SMIM13: variants seen among roughly 807,000 people sequenced by gnomAD.
SMIM13 encodes UPF0766 protein C6orf228.
A neutral mutation model predicts 5.9 loss-of-function variants in SMIM13; 3 were observed. The observed-to-expected ratio is 0.51, with a 90% CI of 0.23 to 1.31. The LOEUF (loss-of-function observed/expected upper bound fraction) is 1.31, where lower values mean the gene tolerates loss of function less well. SMIM13 is among the 40% of genes most tolerant of loss of function. The probability of loss-of-function intolerance (pLI) is 0.18; values close to 1 mark genes in which losing one functional copy is unlikely to be tolerated. For synonymous variants in SMIM13, 55 were observed against 46.0 expected, an observed-to-expected ratio of 1.19 and a Z score of -0.79; for missense variants, 85 against 109.9, an observed-to-expected ratio of 0.77 and a Z score of 1.01.
At chr6:11,099,481 A>G (rs1407623321) in intron 1 of SMIM13, among the ~76,000 whole-genome samples, 3 of 152,146 alleles carry the variant, frequency 2.0e-5, no homozygotes, top group Admixed American at 1.3e-4. Context: ...CCCATACTAC[A>G]TGTTTTACTT....
chr6:11,135,119 C>G lies in SMIM13; in HGVS notation c.*517C>G, dbSNP rs1758502400. 6.6e-6 allele frequency: 1 copy of G among 152,478 alleles called. No homozygotes were observed. The highest frequency in any genetic ancestry group is 1.5e-5 in the Non-Finnish European group (1 of 68,048). The allele number at this position is 152,478 out of a possible 1,614,324, so 9.4% of individuals were successfully genotyped here. A position where few individuals can be genotyped will look rare whatever the true frequency, so the allele number is the denominator to read the frequency against. ...TTTAATTGACATTTTAAAATGTCTT[C>G]AAAAAGATCACACTATGATTCAGCA... On this transcript the variant is annotated 3_prime_UTR_variant, in exon 2 of 2. Transcript: ENST00000416247.
intron 1 of SMIM13, among the ~76,000 whole-genome samples, chr6:11,118,572 C>G (rs1581917807): frequency 1.3e-5 from 2 of 152,224 alleles, no homozygotes; most frequent in East Asian, 3.9e-4. Flanking sequence ...GGAAGGTGGT[C>G]AGTACTATGC....
Position 11,137,134 on chromosome 6 carries a change from C to T in SMIM13, c.*2532C>T, listed in dbSNP as rs1426173296. 2.6e-5 allele frequency: 4 copies of T among 151,986 alleles called. No homozygotes were observed. The highest frequency in any genetic ancestry group is 5.9e-5 in the Non-Finnish European group (4 of 67,954). The allele number at this position is 151,986 out of a possible 1,614,324, so 9.4% of individuals were successfully genotyped here. On this transcript the variant is annotated 3_prime_UTR_variant, in exon 2 of 2. Coordinates refer to ENST00000416247, the MANE Select transcript of SMIM13 (RefSeq NM_001135575.2). ...ATTGACATTTATGCTTCAAGCATGTCTTATTTTATGTAATTTTAAGAAATA... is the reference window on the plus strand; with the variant it reads ...ATTGACATTTATGCTTCAAGCATGTTTTATTTTATGTAATTTTAAGAAATA...
chr6:11,121,863 C>A (rs542653279), intron 1 of SMIM13, among the ~76,000 whole-genome samples: 1 of 152,164 alleles, frequency 6.6e-6, no homozygotes, highest in African/African-American at 2.4e-5. Flanking sequence ...CAGCATTGCT[C>A]CACTCATCAG....
chr6:11,116,247 G>A (rs1230083129), intron 1 of SMIM13, among the ~76,000 whole-genome samples: 1 of 151,994 alleles, frequency 6.6e-6, no homozygotes, highest in Middle Eastern at 3.2e-3. Context: ...TCAAACTCTG[G>A]GCCTCAGGTG....
chr6:11,119,534 G>T (rs868380983), intron 1 of SMIM13, among the ~76,000 whole-genome samples: 3 of 152,050 alleles, frequency 2.0e-5, no homozygotes, highest in Admixed American at 6.6e-5. Context: ...GGCCCCTGTT[G>T]TCCCAGCTAC....
chr6:11,107,017 TC>T (rs1198602532), intron 1 of SMIM13, among the ~76,000 whole-genome samples: 12 of 152,156 alleles, frequency 7.9e-5, no homozygotes, highest in African/African-American at 2.2e-4. Flanking sequence ...TGCACAGAGG[TC>T]CCCGGGGACA....
chr6:11,106,578 A>G (rs1247636300), intron 1 of SMIM13, among the ~76,000 whole-genome samples: 2 of 152,144 alleles, frequency 1.3e-5, no homozygotes, highest in Admixed American at 6.5e-5. Flanking sequence ...CTCCCAACCT[A>G]TATCATCCAT....
intron 1 of SMIM13, among the ~76,000 whole-genome samples, chr6:11,102,133 G>A (rs942154221): frequency 6.6e-6 from 1 of 152,106 alleles, no homozygotes; most frequent in African/African-American, 2.4e-5. Context: ...CTAGTGTATT[G>A]TGACTTTTGG....
At chr6:11,103,190 C>T (rs549762974) in intron 1 of SMIM13, 2 of 154,996 alleles carry the variant, frequency 1.3e-5, no homozygotes, top group South Asian at 4.0e-4. Flanking sequence ...GAGTTAAATG[C>T]CACTATTTTG....
rs1488457845 is a variant in SMIM13, at chr6:11,138,006, T to C, written c.*3404T>C. On this transcript the variant is annotated 3_prime_UTR_variant, in exon 2 of 2. Coordinates refer to ENST00000416247, the MANE Select transcript of SMIM13 (RefSeq NM_001135575.2). ...ACAAAATATGATATCTTAAAACATG[T>C]TGAAAGATTTGAAAGTGGTGCATTT... 1 of 152,202 alleles carries C rather than the reference T, an allele frequency of 6.6e-6. No homozygotes were observed. Among genetic ancestry groups the C allele is most frequent in the African/African-American group, 2.4e-5 (1 of 41,450 alleles). The allele number at this position is 152,202 out of a possible 1,614,324, so 9.4% of individuals were successfully genotyped here.
chr6:11,127,148 C>T (rs190290456), intron 1 of SMIM13, among the ~76,000 whole-genome samples: 318 of 152,294 alleles, frequency 2.1e-3, no homozygotes, highest in Non-Finnish European at 4.0e-3. Context: ...CTGCCACTTA[C>T]GTTTGCTCAA....
chr6:11,111,422 T>A (rs1296452689), intron 1 of SMIM13, among the ~76,000 whole-genome samples: 1 of 152,156 alleles, frequency 6.6e-6, no homozygotes, highest in Non-Finnish European at 1.5e-5. Flanking sequence ...GCCCTACCGC[T>A]CTCATCAGCC....
At chr6:11,127,641 C>T (rs142057398) in intron 1 of SMIM13, among the ~76,000 whole-genome samples, 33 of 152,240 alleles carry the variant, frequency 2.2e-4, no homozygotes, top group Non-Finnish European at 3.2e-4. Context: ...ATGAGGAAGA[C>T]GCAAAAGTGG....
chr6:11,116,177 A>G (rs1349679309), intron 1 of SMIM13, among the ~76,000 whole-genome samples: 1 of 151,502 alleles, frequency 6.6e-6, no homozygotes, highest in African/African-American at 2.4e-5. Context: ...AGTACCACAC[A>G]CAGCTAATTT....
rs1758520873 is a variant in SMIM13, at chr6:11,136,685, GTC to G, written c.*2087_*2088del. ...TCCTAGCAGCTGAGAGCAAGGCACA[GTC>G]TCTGTCTTCATTTCTTTATTAGATA... On this transcript the variant is annotated 3_prime_UTR_variant, in exon 2 of 2. Coordinates refer to ENST00000416247, the MANE Select transcript of SMIM13 (RefSeq NM_001135575.2). The G allele has an allele frequency of 6.6e-6, 1 of 152,010 alleles. No individual in the cohort carries two copies. The highest frequency in any genetic ancestry group is 1.5e-5 in the Non-Finnish European group (1 of 67,986). 9.4% of individuals were successfully genotyped at this position (152,010 alleles called of 1,614,324 possible).
chr6:11,126,284 G>A (rs959602158), intron 1 of SMIM13, among the ~76,000 whole-genome samples: 17 of 152,104 alleles, frequency 1.1e-4, no homozygotes, highest in East Asian at 1.9e-4. Flanking sequence ...TCCTGACCTC[G>A]TGATCTGCCT....
chr6:11,103,842 A>G, intron 1 of SMIM13: 2 of 1,551,706 alleles, frequency 1.3e-6, no homozygotes, highest in Non-Finnish European at 1.7e-6. Flanking sequence ...GAGACTAACA[A>G]GTGGGCCTGT....
At position 11,135,667 on chromosome 6, in the gene SMIM13, G is replaced by A. The variant is rs1415561066; in HGVS notation, c.*1065G>A. 1 of 152,630 alleles carries A rather than the reference G, an allele frequency of 6.6e-6. No individual in the cohort carries two copies. The highest frequency in any genetic ancestry group is 2.4e-5 in the African/African-American group (1 of 41,444). The allele number at this position is 152,630 out of a possible 1,614,324, so 9.5% of individuals were successfully genotyped here. A position where few individuals can be genotyped will look rare whatever the true frequency, so the allele number is the denominator to read the frequency against. On this transcript the variant is annotated 3_prime_UTR_variant, in exon 2 of 2. Coordinates refer to ENST00000416247, the MANE Select transcript of SMIM13 (RefSeq NM_001135575.2). ...TGACTGTGGTTTGAAAAGTGATTCA[G>A]AAGAGTTGGATTCAGAATATGAAGT...
Sources: allele counts gnomAD v4.1 joint callset (sites outside exome capture counted in the v4.1 genomes callset), GRCh38; gene constraint gnomAD v4.1.1; transcripts MANE v1.5; gene names NCBI Gene and HGNC (gene_info 2026-07-23, HGNC 2026-07-21).